Variants in TBC1D32 observed in about 807,000 individuals in gnomAD.
The protein encoded by TBC1D32 is TBC1 domain family member 32, also known as protein broad-minded.
In TBC1D32, 151 loss-of-function variants were observed where a neutral mutation model predicts 170.3. The observed-to-expected ratio is 0.89, with a 90% confidence interval of 0.78 to 1.01. The LOEUF (loss-of-function observed/expected upper bound fraction) is 1.01, where lower values mean the gene tolerates loss of function less well. Ranked by LOEUF, TBC1D32 falls within the 50% of genes least tolerant of loss-of-function variation. The pLI, the probability that TBC1D32 is intolerant of heterozygous loss-of-function variation, is 0.00. For synonymous variants in TBC1D32, 498 were observed against 488.0 expected (o/e 1.02, Z -0.27); for missense variants, 1,464 against 1,457.1 (o/e 1.00, Z -0.08).
chr6:121,085,232 TAC>T (rs1252514743), intron 31 of TBC1D32, among the ~76,000 whole-genome samples: 1 of 138,600 alleles, frequency 7.2e-6, no homozygotes, highest in African/African-American at 2.7e-5. Flanking sequence ...CATATATATA[TAC>T]ACATATACAT....
chr6:121,192,080 ATATC>A (rs1790141517), intron 22 of TBC1D32, among the ~76,000 whole-genome samples: 1 of 136,906 alleles, frequency 7.3e-6, no homozygotes, highest in African/African-American at 2.7e-5. Context: ...ATATATATAT[ATATC>A]CTATTAGTTC....
In TBC1D32 at chr6:121,160,064, G is replaced by A. The variant is rs1226135331; in HGVS notation, c.2719C>T (p.Pro907Ser). ...TCTGACAGATAGCAGTTTGGCAATGGATATGATGAAAACATTGGCCAAGGA... is the reference window on the plus strand; with the variant it reads ...TCTGACAGATAGCAGTTTGGCAATGAATATGATGAAAACATTGGCCAAGGA... ...PYPWPMFSSY[P>S]LPNCYLSDIT... The change falls in exon 24 of 32, where the codon CCA (proline) becomes TCA (serine). Residue 907 changes from proline (P) to serine (S), a missense_variant. Around this residue, in one of 3 missense-constraint regions of TBC1D32, gnomAD observed 1,363 missense variants for 1,338.1 expected, o/e 1.02. Coordinates refer to ENST00000398212, the MANE Select transcript of TBC1D32 (RefSeq NM_152730.6). 3 of 1,607,596 alleles carry A rather than the reference G, an allele frequency of 1.9e-6. No individual in the cohort carries two copies. The highest frequency in any genetic ancestry group is 8.5e-7 in the Non-Finnish European group (1 of 1,175,520).
chr6:121,241,374 C>G (rs41292572), intron 19 of TBC1D32, 91 bp downstream of exon 19: 1 of 1,052,350 alleles, frequency 9.5e-7, no homozygotes, highest in Non-Finnish European at 1.4e-6. Flanking sequence ...AGTAAATATC[C>G]TGATACTTAA....
intron 4 of TBC1D32, among the ~76,000 whole-genome samples, 167 bp downstream of exon 4, chr6:121,310,612 G>A (rs1307878078): frequency 1.3e-5 from 2 of 152,080 alleles, no homozygotes; most frequent in African/African-American, 4.8e-5. Context: ...CTTATTCTGT[G>A]ACTTTTCATT....
intron 1 of TBC1D32, among the ~76,000 whole-genome samples, chr6:121,325,661 C>T (rs1239822833): frequency 6.6e-6 from 1 of 152,116 alleles, no homozygotes. Flanking sequence ...GACCTAAAAC[C>T]ATAAAAACCC....
rs114941682 is a variant in TBC1D32, at chr6:121,127,657, C to A, written c.2900-1196G>T. ...ATTTCAATTCTATGTGTACAAACTTCTTTCTTTATAAATCACTTAATACTG... is the reference window on the plus strand; with the variant it reads ...ATTTCAATTCTATGTGTACAAACTTATTTCTTTATAAATCACTTAATACTG... On this transcript the variant is annotated intron_variant, in intron 25 of 31. Transcript: ENST00000398212. Among the ~76,000 whole-genome samples the A allele has an allele frequency of 6.8e-3, 1,041 of 152,134 alleles. 17 individuals carry two copies. The highest frequency in any genetic ancestry group is 0.024 in the African/African-American group (998 of 41,542).
intron 15 of TBC1D32, among the ~76,000 whole-genome samples, chr6:121,278,185 T>C (rs1380962676): frequency 6.6e-6 from 1 of 152,136 alleles, no homozygotes; most frequent in Non-Finnish European, 1.5e-5. Flanking sequence ...AAATATTTTA[T>C]GAAGAAATTA....
chr6:121,302,299 T>G (rs948885408), intron 9 of TBC1D32, among the ~76,000 whole-genome samples: 1 of 152,182 alleles, frequency 6.6e-6, no homozygotes, highest in African/African-American at 2.4e-5. Flanking sequence ...ATAGGGACTG[T>G]AGGCCCACAA....
intron 16 of TBC1D32, among the ~76,000 whole-genome samples, chr6:121,255,845 C>T (rs1276338441): frequency 1.3e-5 from 2 of 151,972 alleles, no homozygotes; most frequent in Admixed American, 6.6e-5. Flanking sequence ...GCCTCATCTA[C>T]GAGAAGAAAA....
intron 24 of TBC1D32, among the ~76,000 whole-genome samples, chr6:121,146,839 CA>C (rs762880806): frequency 2.4e-4 from 36 of 152,162 alleles, no homozygotes; most frequent in Non-Finnish European, 4.6e-4. Flanking sequence ...ATTTTAGATT[CA>C]GGGGAAATAT....
At chr6:121,139,318 G>A (rs1262844672) in intron 24 of TBC1D32, among the ~76,000 whole-genome samples, 1 of 152,178 alleles carries the variant, frequency 6.6e-6, no homozygotes, top group Non-Finnish European at 1.5e-5. Flanking sequence ...AAATGCAATT[G>A]CAATTACAGT....
chr6:121,229,199 C>T (rs1007375996), intron 20 of TBC1D32, among the ~76,000 whole-genome samples: 1 of 152,154 alleles, frequency 6.6e-6, no homozygotes, highest in South Asian at 2.1e-4. Context: ...CCATAACACC[C>T]AGTATCCTGA....
intron 15 of TBC1D32, among the ~76,000 whole-genome samples, chr6:121,269,810 T>C (rs1295788307): frequency 1.3e-5 from 2 of 152,152 alleles, no homozygotes; most frequent in African/African-American, 2.4e-5. Context: ...AGAATATACA[T>C]TCTTCTCAGC....
chr6:121,170,425 C>T (rs2128252789), intron 22 of TBC1D32: 1 of 1,603,358 alleles, frequency 6.2e-7, no homozygotes, highest in East Asian at 2.2e-5. Flanking sequence ...CAGAAATCTC[C>T]AAGATATTTT....
At chr6:121,109,265 G>A (rs1226129940) in intron 29 of TBC1D32, among the ~76,000 whole-genome samples, 1 of 152,138 alleles carries the variant, frequency 6.6e-6, no homozygotes, top group East Asian at 1.9e-4. Context: ...ATTTTAAGAA[G>A]AGTAAGGGAA....
chr6:121,201,567 C>T (rs926001862), intron 22 of TBC1D32, among the ~76,000 whole-genome samples: 2 of 151,280 alleles, frequency 1.3e-5, no homozygotes, highest in African/African-American at 2.5e-5. Flanking sequence ...GGAATCTCTT[C>T]GAAAATAATG....
In TBC1D32 at chr6:121,277,402, C is replaced by T. The variant is rs201971033; in HGVS notation, c.1733+1719G>A. The stretch of plus-strand genomic sequence containing the variant: ...ACTTGGGAGGTTGAGGCACTAGAAT[C>T]GCTTGAACCCAGAAGGTGGAGTTTG... On this transcript the variant is annotated intron_variant, in intron 15 of 31. Coordinates refer to ENST00000398212, the MANE Select transcript of TBC1D32 (RefSeq NM_152730.6). Among the ~76,000 whole-genome samples the T allele has an allele frequency of 1.4e-4, 21 of 145,056 alleles. No homozygotes were observed. The East Asian group carries it at 3.6e-3, about 25-fold the overall frequency.
chr6:121,247,975 A>G (rs1191102860), intron 17 of TBC1D32, among the ~76,000 whole-genome samples: 1 of 152,122 alleles, frequency 6.6e-6, no homozygotes, highest in African/African-American at 2.4e-5. Context: ...TGGACTTAAC[A>G]GATATTTACA....
At chr6:121,234,182 A>G (rs1435855876) in intron 20 of TBC1D32, among the ~76,000 whole-genome samples, 2 of 147,692 alleles carry the variant, frequency 1.4e-5, no homozygotes, top group African/African-American at 5.3e-5. Context: ...CCTGATGACC[A>G]TATGCCTAGG....
Sources: allele counts gnomAD v4.1 joint callset (sites outside exome capture counted in the v4.1 genomes callset), GRCh38; gene constraint gnomAD v4.1.1; regional missense constraint gnomAD v4.1.1; transcripts MANE v1.5; gene names NCBI Gene and HGNC (gene_info 2026-07-23, HGNC 2026-07-21).